The following KHDC1 variants were observed in gnomAD, a reference collection of about 807,000 sequenced individuals.
KHDC1 encodes the protein KH domain containing 1.
KHDC1 carries 21 observed loss-of-function variants against 24.7 expected under a neutral mutation model. That is an observed-to-expected ratio of 0.85 (90% CI 0.60 to 1.23). The LOEUF (loss-of-function observed/expected upper bound fraction) is 1.23. Ranked by LOEUF, KHDC1 falls within the 50% of genes most tolerant of loss-of-function variation. The pLI is 0.00. For synonymous variants in KHDC1, 98 were observed against 111.7 expected, an observed-to-expected ratio of 0.88 and a Z score of 0.77; for missense variants, 274 against 298.5, an observed-to-expected ratio of 0.92 and a Z score of 0.61.
intron 2 of KHDC1, among the ~76,000 whole-genome samples, chr6:73,260,545 T>A (rs1399044365): frequency 6.6e-6 from 1 of 152,222 alleles, no homozygotes; most frequent in East Asian, 1.9e-4. Flanking sequence ...CACCTGTTTA[T>A]CTGTAGAATA....
At chr6:73,307,695 GA>G (rs1562262681) in intron 1 of KHDC1, among the ~76,000 whole-genome samples, 1 of 152,106 alleles carries the variant, frequency 6.6e-6, no homozygotes, top group African/African-American at 2.4e-5. Context: ...GGCCCATGAA[GA>G]ACCGTGCAAC....
intron 2 of KHDC1, among the ~76,000 whole-genome samples, chr6:73,263,611 T>TGGGG (rs10611256): frequency 9.2e-5 from 13 of 141,418 alleles, no homozygotes; most frequent in East Asian, 6.6e-4. Context: ...GGTGTCGCGG[T>TGGGG]GGGGGGGGGG....
intron 2 of KHDC1, among the ~76,000 whole-genome samples, chr6:73,286,733 A>G (rs1767530174): frequency 6.6e-6 from 1 of 152,118 alleles, no homozygotes; most frequent in African/African-American, 2.4e-5. Context: ...AATCGTGAAA[A>G]TTAGCTGGGC....
intron 2 of KHDC1, among the ~76,000 whole-genome samples, chr6:73,254,113 T>TTC (rs1285311038): frequency 3.9e-5 from 6 of 152,106 alleles, no homozygotes; most frequent in African/African-American, 9.7e-5. Flanking sequence ...TTTATAGGCA[T>TTC]GGACTAAGGA....
intron 2 of KHDC1, among the ~76,000 whole-genome samples, chr6:73,256,197 A>G (rs1309112552): frequency 1.3e-5 from 2 of 152,210 alleles, no homozygotes; most frequent in African/African-American, 2.4e-5. Context: ...GCCATTAAAA[A>G]GACTTTCATT....
At chr6:73,243,765 C>G (rs1256026975) in intron 2 of KHDC1, among the ~76,000 whole-genome samples, 1 of 152,160 alleles carries the variant, frequency 6.6e-6, no homozygotes, top group Non-Finnish European at 1.5e-5. Context: ...AATGTTTTAG[C>G]GAGGTGCTGC....
intron 2 of KHDC1, 75 bp from the exon 1 acceptor site, chr6:73,263,271 T>G (rs1767020198): frequency 1.0e-6 from 1 of 985,420 alleles, no homozygotes; most frequent in Non-Finnish European, 1.2e-6. Flanking sequence ...CTGCTCTGTG[T>G]AGGAGACAGC....
At chr6:73,272,308 C>T (rs1311457850) in intron 2 of KHDC1, among the ~76,000 whole-genome samples, 2 of 151,654 alleles carry the variant, frequency 1.3e-5, no homozygotes, top group African/African-American at 4.8e-5. Context: ...ACTACAGGCA[C>T]CTGCCACCAC....
intron 1 of KHDC1, among the ~76,000 whole-genome samples, chr6:73,297,774 C>A (rs1767782646): frequency 6.6e-6 from 1 of 152,092 alleles, no homozygotes; most frequent in South Asian, 2.1e-4. Context: ...ATGCAATGGC[C>A]AGAATTCCTA....
At chr6:73,292,537 A>G (rs1767675996) in intron 1 of KHDC1, 9 of 768,760 alleles carry the variant, frequency 1.2e-5, no homozygotes, top group Non-Finnish European at 1.9e-5. Flanking sequence ...TTACATGGTT[A>G]AAAGAGACCA....
At chr6:73,293,485 G>A (rs1412362600) in intron 1 of KHDC1, among the ~76,000 whole-genome samples, 3 of 152,182 alleles carry the variant, frequency 2.0e-5, no homozygotes, top group African/African-American at 7.2e-5. Context: ...GTAGTTGTAA[G>A]AAGTTACAAA....
chr6:73,260,565 A>C (rs954416525), intron 2 of KHDC1, among the ~76,000 whole-genome samples: 2 of 152,192 alleles, frequency 1.3e-5, no homozygotes, highest in Admixed American at 6.5e-5. Flanking sequence ...AAAAAAGTTA[A>C]ATTAGAATGT....
At chr6:73,262,946 C>T in intron 2 of KHDC1, 1 of 991,164 alleles carries the variant, frequency 1.0e-6, no homozygotes, top group South Asian at 4.5e-5. Flanking sequence ...AGTTCGAGAC[C>T]ACAGGGGGGT....
intron 2 of KHDC1, among the ~76,000 whole-genome samples, chr6:73,286,882 CAAAA>C (rs34820901): frequency 7.8e-5 from 11 of 141,686 alleles, no homozygotes; most frequent in African/African-American, 2.6e-4. Context: ...GACTCTGTCT[CAAAA>C]AAAAAAAAAA....
rs199726390 is a variant in KHDC1 at position 73,241,559 on chromosome 6, C to T, written c.684G>A (p.Ser228=). 1.5e-4 allele frequency: 239 copies of T among 1,614,088 alleles called. 2 individuals are homozygous for T. The African/African-American group carries it at 2.5e-3, about 17-fold the overall frequency. The change falls in exon 5 of 5, where the codon TCG becomes TCA. Residue 228 remains serine (S), a synonymous_variant. Transcript: ENST00000370384. ...GATACAGTGAACTCAAATGGAAACC[C>T]GAACAACCAATCACTTGGTAAGGGG...
intron 2 of KHDC1, among the ~76,000 whole-genome samples, chr6:73,243,131 C>G (rs1206375686): frequency 6.6e-6 from 1 of 152,102 alleles, no homozygotes; most frequent in African/African-American, 2.4e-5. Flanking sequence ...GTAAATTTAT[C>G]TAGGAAGGGA....
intron 1 of KHDC1, among the ~76,000 whole-genome samples, chr6:73,308,070 A>ATTT (rs35521120): frequency 8.0e-5 from 9 of 111,980 alleles, no homozygotes; most frequent in Non-Finnish European, 1.1e-4. Flanking sequence ...GGCCCAGCTA[A>ATTT]TTTTTTTTTT....
At chr6:73,264,238 T>C (rs1164721266) in intron 2 of KHDC1, among the ~76,000 whole-genome samples, 3 of 152,154 alleles carry the variant, frequency 2.0e-5, no homozygotes, top group African/African-American at 2.4e-5. Flanking sequence ...GACCTTGCAA[T>C]CTTATCTAGG....
intron 2 of KHDC1, 135 bp from the exon 1 acceptor site, chr6:73,263,331 A>C (rs1767022259): frequency 1.0e-6 from 1 of 966,496 alleles, no homozygotes; most frequent in Non-Finnish European, 1.2e-6. Flanking sequence ...TCTTGAGTCC[A>C]GGAAGCAAGG....
Sources: gnomAD v4.1 joint callset for allele counts (sites outside exome capture counted in the v4.1 genomes callset) on GRCh38, gnomAD v4.1.1 for gene constraint, MANE v1.5 for transcripts, NCBI Gene and HGNC (gene_info 2026-07-23, HGNC 2026-07-21) for gene names.